CDC14B: variants seen among roughly 807,000 people sequenced by gnomAD.
CDC14B encodes dual specificity protein phosphatase CDC14B.
A neutral mutation model predicts 64.2 loss-of-function variants in CDC14B; 22 were observed. The ratio of observed to expected loss-of-function variants is 0.34; its 90% CI spans 0.24 to 0.49. The LOEUF (loss-of-function observed/expected upper bound fraction) is 0.49, where lower values mean the gene tolerates loss of function less well. CDC14B is among the 20% of genes least tolerant of loss of function. The pLI is 0.99. For missense variants in CDC14B, 498 were observed against 629.9 expected, an observed-to-expected ratio of 0.79 and a Z score of 2.24; for synonymous variants, 191 against 215.8, an observed-to-expected ratio of 0.89 and a Z score of 1.01.
rs1051994140 is a variant in CDC14B at position 96,605,872 on chromosome 9, T to A, written c.160+13347A>T. Among the ~76,000 whole-genome samples, 45 of 150,400 alleles carry A rather than the reference T, an allele frequency of 3.0e-4. 1 individual carries two copies. The highest frequency in any genetic ancestry group is 9.8e-4 in the African/African-American group (40 of 40,612). Reference sequence around the variant, plus strand: ...GCGAAATTTTGCCTCAAAAAAAAAATTGTTTTTTTCAAAGACAAATAGTTA... The same window carrying A: ...GCGAAATTTTGCCTCAAAAAAAAAAATGTTTTTTTCAAAGACAAATAGTTA... On this transcript the variant is annotated intron_variant, in intron 1 of 13. Coordinates refer to ENST00000375241, the MANE Select transcript of CDC14B (RefSeq NM_033331.4).
rs1837106107 is a variant in CDC14B, at chr9:96,523,592, C to T, written c.1080G>A (p.Leu360=). The stretch of plus-strand genomic sequence containing the variant: ...AGACGTAGGCTACTACTTACATCAC[C>T]AAAAACTGCTGCTGAGGCCCAATCA... ...GSVIGPQQQF[L]VMKQTNLWLE... Residue 360 remains leucine, a synonymous_variant, in exon 10 of 14, where the codon TTG becomes TTA. Coordinates refer to ENST00000375241, the MANE Select transcript of CDC14B (RefSeq NM_033331.4). 1 of 1,614,158 alleles carries T rather than the reference C, an allele frequency of 6.2e-7. No homozygotes were observed. The highest frequency in any genetic ancestry group is 2.2e-5 in the East Asian group (1 of 44,886).
chr9:96,540,372 C>T (rs1322524649), intron 6 of CDC14B, among the ~76,000 whole-genome samples: 1 of 152,116 alleles, frequency 6.6e-6, no homozygotes, highest in Non-Finnish European at 1.5e-5. Context: ...GTGGTGCACG[C>T]CTGTAATCCC....
chr9:96,559,896 T>C (rs1842932791), intron 4 of CDC14B, among the ~76,000 whole-genome samples: 1 of 152,156 alleles, frequency 6.6e-6, no homozygotes, highest in East Asian at 1.9e-4. Flanking sequence ...GCTTCTGTGG[T>C]CCAAAATACA....
At chr9:96,567,900 C>A (rs999687197) in intron 1 of CDC14B, among the ~76,000 whole-genome samples, 2 of 152,098 alleles carry the variant, frequency 1.3e-5, no homozygotes, top group Admixed American at 6.5e-5. Context: ...TGTGCATTGC[C>A]TGCCTGTATC....
At position 96,551,291 on chromosome 9, in the gene CDC14B, T is replaced by A. The variant is rs184578823; in HGVS notation, c.497+505A>T. ...GCAACCACGCCTGGCTAATTTTTTT[T>A]AAAATTTTTTTATAGAGATGGGGTC... On this transcript the variant is annotated intron_variant, in intron 5 of 13. Transcript: ENST00000375241. Among the ~76,000 whole-genome samples, 401 of 151,928 alleles carry A rather than the reference T, an allele frequency of 2.6e-3. 4 individuals carry two copies. The highest frequency in any genetic ancestry group is 5.5e-3 in the African/African-American group (228 of 41,438).
At chr9:96,530,601 T>C (rs1454770838) in intron 9 of CDC14B, among the ~76,000 whole-genome samples, 2 of 151,912 alleles carry the variant, frequency 1.3e-5, no homozygotes, top group South Asian at 2.1e-4. Context: ...ATAATACATA[T>C]AAGTCATATC....
exon 14 of CDC14B, chr9:96,492,172 AC>A (rs1199850627): frequency 6.6e-6 from 1 of 152,058 alleles, no homozygotes; most frequent in Non-Finnish European, 1.5e-5. Context: ...AAGCAGATTA[AC>A]CCCATGAAAG....
chr9:96,497,305 G>A (rs538251502), downstream of CDC14B, among the ~76,000 whole-genome samples: 3 of 151,700 alleles, frequency 2.0e-5, no homozygotes, highest in South Asian at 4.2e-4. Context: ...GGCAGGGGCG[G>A]GGAGGCAGAG....
chr9:96,577,824 T>C (rs1844902006), intron 1 of CDC14B, among the ~76,000 whole-genome samples: 1 of 152,194 alleles, frequency 6.6e-6, no homozygotes, highest in Admixed American at 6.5e-5. Flanking sequence ...CCAAGAAAGG[T>C]ATTTTTTAAA....
chr9:96,544,760 G>A (rs999579889), intron 5 of CDC14B, among the ~76,000 whole-genome samples: 1 of 152,094 alleles, frequency 6.6e-6, no homozygotes, highest in East Asian at 1.9e-4. Flanking sequence ...GCCTCCCAAA[G>A]TGCTGGGATT....
At chr9:96,575,815 T>A (rs1398489442) in intron 1 of CDC14B, among the ~76,000 whole-genome samples, 1 of 151,932 alleles carries the variant, frequency 6.6e-6, no homozygotes, top group Non-Finnish European at 1.5e-5. Context: ...TGAGATACCA[T>A]CTCTATCAAA....
At chr9:96,511,632 G>A (rs1376567513) in intron 12 of CDC14B, among the ~76,000 whole-genome samples, 4 of 152,168 alleles carry the variant, frequency 2.6e-5, no homozygotes, top group Non-Finnish European at 5.9e-5. Context: ...AGAAGGGGAT[G>A]GGCAGCTTTC....
At chr9:96,579,110 A>G (rs1368142047) in intron 1 of CDC14B, among the ~76,000 whole-genome samples, 1 of 151,824 alleles carries the variant, frequency 6.6e-6, no homozygotes, top group Non-Finnish European at 1.5e-5. Flanking sequence ...GAGCCACCGC[A>G]CCCAGCCCAG....
In CDC14B at chr9:96,519,044, G is replaced by A. The variant is rs1836227288; in HGVS notation, c.1343+3462C>T. On this transcript the variant is annotated intron_variant, in intron 12 of 13. Transcript: ENST00000375241. Reference sequence around the variant, plus strand: ...CCAGCTACTTGGGAGGCTGAGGCAGGAGAATGGCATGATCCCAGGAGGCGG... The same window carrying A: ...CCAGCTACTTGGGAGGCTGAGGCAGAAGAATGGCATGATCCCAGGAGGCGG... 3.9e-5 allele frequency among the ~76,000 whole-genome samples: 6 copies of A among 152,222 alleles called. No homozygotes were observed. In the South Asian group the frequency reaches 1.0e-3, roughly 26 times the overall value.
chr9:96,617,659 A>T (rs565248659), intron 1 of CDC14B, among the ~76,000 whole-genome samples: 2 of 152,332 alleles, frequency 1.3e-5, no homozygotes, highest in African/African-American at 4.8e-5. Context: ...ATGCATGCAC[A>T]GCCTATTTCT....
At chr9:96,607,480 G>C (rs1197297159) in intron 1 of CDC14B, among the ~76,000 whole-genome samples, 1 of 144,168 alleles carries the variant, frequency 6.9e-6, no homozygotes, top group African/African-American at 2.6e-5. Context: ...GAGTGCAGTG[G>C]TGCCATCTCG....
chr9:96,552,493 C>T (rs1455987967), intron 4 of CDC14B, among the ~76,000 whole-genome samples: 2 of 151,896 alleles, frequency 1.3e-5, no homozygotes, highest in Admixed American at 1.3e-4. Flanking sequence ...CCTTTCCAAA[C>T]ATTTTTTTTT....
At chr9:96,583,079 G>A (rs955536906) in intron 1 of CDC14B, among the ~76,000 whole-genome samples, 58 of 152,122 alleles carry the variant, frequency 3.8e-4, no homozygotes, top group Non-Finnish European at 8.8e-5. Context: ...TAGCTCTTCT[G>A]TTACGCATAC....
At chr9:96,543,747 T>A (rs1358664020) in intron 5 of CDC14B, among the ~76,000 whole-genome samples, 1 of 152,202 alleles carries the variant, frequency 6.6e-6, no homozygotes, top group Non-Finnish European at 1.5e-5. Flanking sequence ...ATGATTAAGC[T>A]AGGCATGCAG....
Sources: gnomAD v4.1 joint callset for allele counts (sites outside exome capture counted in the v4.1 genomes callset) on GRCh38, gnomAD v4.1.1 for gene constraint, MANE v1.5 for transcripts, NCBI Gene and HGNC (gene_info 2026-07-23, HGNC 2026-07-21) for gene names.